Variants in COMT observed in about 807,000 individuals in gnomAD.
COMT encodes catechol-O-methyltransferase, also known as catechol O-methyltransferase.
Under a neutral mutation model 18.9 loss-of-function variants are expected in COMT, and 13 were observed. The observed-to-expected ratio is 0.69, with a 90% CI of 0.45 to 1.09. The LOEUF (loss-of-function observed/expected upper bound fraction) is 1.09, where lower values mean the gene tolerates loss of function less well. Ranked by LOEUF, COMT falls within the 50% of genes least tolerant of loss-of-function variation. The pLI, the probability that COMT is intolerant of heterozygous loss-of-function variation, is 0.00. For missense variants in COMT, 329 were observed against 361.8 expected (o/e 0.91, Z 0.73); for synonymous variants, 150 against 160.9 (o/e 0.93, Z 0.51).
chr22:19,959,154 T>C (rs866279977), intron 1 of COMT, among the ~76,000 whole-genome samples: 67 of 152,198 alleles, frequency 4.4e-4, no homozygotes, highest in African/African-American at 1.6e-3. Flanking sequence ...AAAGGAGCTG[T>C]TCCTTTTCCC....
chr22:19,966,783 C>T lies in COMT; in HGVS notation c.616-1753C>T, dbSNP rs174698. Among the ~76,000 whole-genome samples the T allele has an allele frequency of 3.8e-3, 554 of 147,274 alleles. 3 individuals carry two copies. The highest frequency in any genetic ancestry group is 6.8e-3 in the Non-Finnish European group (453 of 66,674). On this transcript the variant is annotated intron_variant, in intron 5 of 5. Coordinates refer to ENST00000361682, the MANE Select transcript of COMT (RefSeq NM_000754.4). The stretch of plus-strand genomic sequence containing the variant: ...TTCTCGAGACAGTCTCTCGCTCTGT[C>T]GCCCAGGCTGGAGTGCAGTGGCGCG...
chr22:19,958,954 C>G (rs1389624096), intron 1 of COMT, among the ~76,000 whole-genome samples: 3 of 152,114 alleles, frequency 2.0e-5, no homozygotes, highest in African/African-American at 7.2e-5. Context: ...CCCCTCGGTC[C>G]TCCGGCCTGC....
At chr22:19,962,887 A>G in intron 3 of COMT, 72 bp downstream of exon 3, 1 of 1,530,924 alleles carries the variant, frequency 6.5e-7, no homozygotes, top group Non-Finnish European at 8.8e-7. Flanking sequence ...CCCTTACAGG[A>G]GAAGCTGTTA....
At chr22:19,946,566 T>C (rs1941838644) in intron 1 of COMT, among the ~76,000 whole-genome samples, 1 of 152,188 alleles carries the variant, frequency 6.6e-6, no homozygotes, top group African/African-American at 2.4e-5. Context: ...TCCCTTTTTG[T>C]TGAAGATGAA....
chr22:19,956,125 TTTTC>T (rs1387696946), intron 1 of COMT, among the ~76,000 whole-genome samples: 1 of 144,644 alleles, frequency 6.9e-6, no homozygotes, highest in East Asian at 2.0e-4. Context: ...TCTTTCTTTT[TTTTC>T]TTTTTTTCTT....
intron 3 of COMT, 30 bp downstream of exon 3, chr22:19,962,845 C>G (rs1239610884): frequency 6.3e-7 from 1 of 1,586,922 alleles, no homozygotes; most frequent in Non-Finnish European, 8.6e-7. Flanking sequence ...GTGCTCAGCT[C>G]TGGGACAGGG....
chr22:19,958,166 AT>A (rs361708), intron 1 of COMT, among the ~76,000 whole-genome samples: 10,638 of 139,200 alleles, frequency 0.076, 1,181 homozygotes, highest in African/African-American at 0.26. Context: ...AGCATGTTTA[AT>A]TTTTTTTTTT....
chr22:19,946,176 GT>G (rs1290020976), intron 1 of COMT, among the ~76,000 whole-genome samples: 3 of 151,868 alleles, frequency 2.0e-5, no homozygotes, highest in Non-Finnish European at 4.4e-5. Context: ...GTGCAGTCAT[GT>G]GATCTCAAAG....
chr22:19,961,961 T>C (rs1237113705), intron 2 of COMT: 2 of 170,994 alleles, frequency 1.2e-5, no homozygotes, highest in African/African-American at 4.8e-5. Flanking sequence ...AGTGGGTCTG[T>C]CCTGGTGTGC....
intron 1 of COMT, among the ~76,000 whole-genome samples, chr22:19,950,613 C>T (rs959912795): frequency 5.9e-5 from 9 of 151,932 alleles, no homozygotes; most frequent in Non-Finnish European, 8.8e-5. Flanking sequence ...TTCCAGGGAC[C>T]GTGGGGAGTT....
intron 1 of COMT, among the ~76,000 whole-genome samples, chr22:19,951,342 G>C (rs867412937): frequency 5.0e-5 from 6 of 120,338 alleles, no homozygotes; most frequent in African/African-American, 1.9e-4. Flanking sequence ...CTGGGCGACA[G>C]AGCAAGACTC....
rs555126080 is a variant in COMT, at chr22:19,968,722, G to A, written c.802G>A (p.Glu268Lys). The A allele has an allele frequency of 1.2e-5, 19 of 1,603,848 alleles. No homozygotes were observed. The highest frequency in any genetic ancestry group is 5.5e-5 in the South Asian group (5 of 90,536). Residue 268 changes from glutamate (E) to lysine (K), a missense_variant, in exon 6 of 6, where the codon GAA becomes AAA. Physicochemically the swap from Glu to Lys is moderately conservative, Grantham distance 56. Transcript: ENST00000361682. ...EKAIYKGPGSEAGP is the reference protein window; with the variant it reads ...EKAIYKGPGSKAGP ...GGCCATCTACAAGGGCCCAGGCAGCGAAGCAGGGCCCTGACTGCCCCCCCG... is the reference window on the plus strand; with the variant it reads ...GGCCATCTACAAGGGCCCAGGCAGCAAAGCAGGGCCCTGACTGCCCCCCCG...
In COMT at chr22:19,956,143, T is replaced by C. The variant is rs1384952947; in HGVS notation, c.-91-5056T>C. 5.9e-5 allele frequency among the ~76,000 whole-genome samples: 7 copies of C among 119,404 alleles called. 1 individual carries two copies. Among genetic ancestry groups the C allele is most frequent in the Non-Finnish European group, 8.9e-5 (5 of 56,104 alleles). 78.3% of individuals were successfully genotyped at this position (119,404 alleles called of 152,430 possible). ...TTCTTTTTTTTCTTTTTTTCTTTTT[T>C]TTTTTTTTTTTTTTTTTTTGAGATG... On this transcript the variant is annotated intron_variant, in intron 1 of 5. Transcript: ENST00000361682.
At chr22:19,960,245 T>G (rs1942163818) in intron 1 of COMT, among the ~76,000 whole-genome samples, 1 of 152,240 alleles carries the variant, frequency 6.6e-6, no homozygotes, top group Non-Finnish European at 1.5e-5. Flanking sequence ...GGTATATATT[T>G]CTAACACTGT....
intron 5 of COMT, chr22:19,967,294 C>A (rs1280570185): frequency 6.3e-6 from 7 of 1,108,864 alleles, no homozygotes; most frequent in Non-Finnish European, 8.6e-6. Context: ...CATTCCCTGG[C>A]CCAGACTGGA....
chr22:19,963,859 T>C, intron 4 of COMT, 100 bp downstream of exon 4: 1 of 1,426,994 alleles, frequency 7.0e-7, no homozygotes, highest in Non-Finnish European at 9.6e-7. Flanking sequence ...TCACACCACG[T>C]TCACTGAAAA....
intron 5 of COMT, chr22:19,964,585 C>G (rs959479057): frequency 3.3e-6 from 2 of 612,160 alleles, no homozygotes; most frequent in Non-Finnish European, 5.8e-6. Context: ...GGTGCACACC[C>G]CAGACCAGAC....
intron 5 of COMT, chr22:19,967,509 T>C (rs1942481054): frequency 5.0e-6 from 2 of 402,382 alleles, no homozygotes; most frequent in Non-Finnish European, 9.9e-6. Flanking sequence ...GTGGTGTCCA[T>C]ACTGTCACAT....
intron 5 of COMT, among the ~76,000 whole-genome samples, chr22:19,966,425 G>A (rs1601537279): frequency 1.5e-5 from 2 of 134,614 alleles, no homozygotes; most frequent in African/African-American, 5.8e-5. Flanking sequence ...GAAGAGGAAT[G>A]AGTTCCCCCT....
Sources: gnomAD v4.1 joint callset for allele counts (sites outside exome capture counted in the v4.1 genomes callset) on GRCh38, gnomAD v4.1.1 for gene constraint, MANE v1.5 for transcripts, NCBI Gene and HGNC (gene_info 2026-07-23, HGNC 2026-07-21) for gene names.